The following CFAP47 variants were observed in gnomAD, a reference collection of about 807,000 sequenced individuals.
The protein encoded by CFAP47 is cilia- and flagella-associated protein 47.
A neutral mutation model predicts 148.1 loss-of-function variants in CFAP47; 29 were observed. The ratio of observed to expected loss-of-function variants is 0.20; its 90% CI spans 0.15 to 0.27. The LOEUF is 0.27. Ranked by LOEUF, CFAP47 falls within the 10% of genes least tolerant of loss-of-function variation. The pLI, the probability that CFAP47 is intolerant of heterozygous loss-of-function variation, is 1.00. For synonymous variants in CFAP47, 664 were observed against 577.3 expected (o/e 1.15, Z -2.15); for missense variants, 1,872 against 1,697.5 (o/e 1.10, Z -1.81).
At chrX:36,118,737 G>A (rs1413612325) in intron 33 of CFAP47, among the ~76,000 whole-genome samples, 1 of 111,868 alleles carries the variant, frequency 8.9e-6, no homozygotes, top group African/African-American at 3.3e-5. Context: ...GCCTCCCAAA[G>A]TGCTGGGATT....
chrX:36,099,996 A>G (rs1938347152), intron 32 of CFAP47, 117 bp downstream of exon 32: 2 of 398,583 alleles, frequency 5.0e-6, no homozygotes, highest in East Asian at 9.0e-5. Context: ...TAAATGAGAG[A>G]TTTTTTTTTA....
intron 39 of CFAP47, among the ~76,000 whole-genome samples, chrX:36,171,340 G>C (rs1383391945): frequency 1.8e-5 from 2 of 111,119 alleles, no homozygotes; most frequent in Admixed American, 1.9e-4. Context: ...TGTTGCCATT[G>C]CTTTTGGTGT....
At chrX:36,232,954 G>T (rs1353938273) in intron 46 of CFAP47, among the ~76,000 whole-genome samples, 1 of 111,970 alleles carries the variant, frequency 8.9e-6, no homozygotes, top group Non-Finnish European at 1.9e-5. Context: ...CTGAGTTCTA[G>T]TTTGATTGCA....
intron 57 of CFAP47, among the ~76,000 whole-genome samples, chrX:36,320,540 A>ACTTG (rs1941470345): frequency 1.8e-5 from 2 of 112,118 alleles, no homozygotes; most frequent in Non-Finnish European, 3.8e-5. Context: ...GAATCAAAAT[A>ACTTG]ATTGCTTAAT....
intron 49 of CFAP47, among the ~76,000 whole-genome samples, chrX:36,255,503 G>A (rs1262046048): frequency 2.7e-5 from 3 of 111,022 alleles, no homozygotes; most frequent in Non-Finnish European, 5.7e-5. Flanking sequence ...ATCAGTCATT[G>A]AAAGTGGGCT....
chrX:36,036,933 C>T (rs1489308022), intron 24 of CFAP47, among the ~76,000 whole-genome samples: 1 of 112,271 alleles, frequency 8.9e-6, no homozygotes, highest in East Asian at 2.8e-4. Context: ...AGAAACATCT[C>T]ATAGCATATT....
intron 42 of CFAP47, among the ~76,000 whole-genome samples, chrX:36,197,171 T>C (rs1375967731): frequency 8.9e-6 from 1 of 112,218 alleles, no homozygotes; most frequent in African/African-American, 3.2e-5. Flanking sequence ...ATACTGTGTG[T>C]GTAAGATGTA....
At chrX:36,076,797 C>T (rs1436514529) in intron 29 of CFAP47, among the ~76,000 whole-genome samples, 1 of 111,218 alleles carries the variant, frequency 9.0e-6, no homozygotes, top group African/African-American at 3.3e-5. Flanking sequence ...AGGACTTAGA[C>T]ATAAATTCTT....
rs61501194 is a variant in CFAP47 at position 36,103,501 on chromosome X, G to GAAAAA, written c.5128-974_5128-970dup. Among the ~76,000 whole-genome samples, 12 of 15,047 alleles carry GAAAAA rather than the reference G, an allele frequency of 8.0e-4. 1 individual carries two copies. The highest frequency in any genetic ancestry group is 2.6e-3 in the African/African-American group (11 of 4,203). 13.1% of individuals were successfully genotyped at this position (15,047 alleles called of 115,157 possible). On this transcript the variant is annotated intron_variant, in intron 32 of 63. Coordinates refer to ENST00000378653, the MANE Select transcript of CFAP47 (RefSeq NM_001304548.2). ...GAGCTGAGTGTGCTCTCATATGCCAGAAAAAAAAAAAAAAAAAAAAAAAAA... is the reference window on the plus strand; with the variant it reads ...GAGCTGAGTGTGCTCTCATATGCCAGAAAAAAAAAAAAAAAAAAAAAAAAAAAAAA...
At chrX:35,922,902 G>C (rs1396840713) in intron 1 of CFAP47, among the ~76,000 whole-genome samples, 1 of 111,289 alleles carries the variant, frequency 9.0e-6, no homozygotes, top group Non-Finnish European at 1.9e-5. Flanking sequence ...GTTTCTGCTT[G>C]TGTCTGAGAT....
At chrX:36,301,013 C>T in intron 52 of CFAP47, 59 bp from the exon 53 acceptor site, 1 of 677,333 alleles carries the variant, frequency 1.5e-6, no homozygotes, top group Non-Finnish European at 2.3e-6. Context: ...ACTACTTCTG[C>T]CCAATTTATT....
intron 37 of CFAP47, among the ~76,000 whole-genome samples, chrX:36,157,641 A>G (rs6527541): frequency 0.14 from 15,254 of 109,925 alleles, 1,043 homozygotes; most frequent in East Asian, 0.29. Flanking sequence ...AATGTTGGCC[A>G]TGTCCTACCG....
At position 36,341,059 on chromosome X, in the gene CFAP47, C is replaced by T. The variant is rs1258402183; in HGVS notation, c.8444-7070C>T. 1.7e-4 allele frequency among the ~76,000 whole-genome samples: 16 copies of T among 92,673 alleles called. No homozygotes were observed. The Admixed American group carries it at 2.0e-3, about 12-fold the overall frequency. 80.5% of individuals were successfully genotyped at this position (92,673 alleles called of 115,157 possible). ...TTTCTTTTTTTTTTTTTTTTTGAGGCAAAGTCTCGTCCTGTCACCAGGCTG... is the reference window on the plus strand; with the variant it reads ...TTTCTTTTTTTTTTTTTTTTTGAGGTAAAGTCTCGTCCTGTCACCAGGCTG... On this transcript the variant is annotated intron_variant, in intron 57 of 63. Transcript: ENST00000378653.
At chrX:36,274,525 T>C (rs1556002352) in intron 49 of CFAP47, among the ~76,000 whole-genome samples, 1 of 111,916 alleles carries the variant, frequency 8.9e-6, no homozygotes, top group African/African-American at 3.2e-5. Flanking sequence ...GCATCTATAC[T>C]TGATAGTATT....
At chrX:36,066,793 G>T (rs975605499) in intron 27 of CFAP47, among the ~76,000 whole-genome samples, 7 of 111,777 alleles carry the variant, frequency 6.3e-5, no homozygotes, top group Non-Finnish European at 1.3e-4. Context: ...AGCAAAAAGG[G>T]TAGCTTCAGG....
At chrX:36,102,944 AT>A (rs1938400608) in intron 32 of CFAP47, among the ~76,000 whole-genome samples, 1 of 111,854 alleles carries the variant, frequency 8.9e-6, no homozygotes, top group South Asian at 3.7e-4. Context: ...TCAGAAATGG[AT>A]TTTTTTAATC....
At chrX:36,123,319 T>C (rs1938779083) in intron 33 of CFAP47, among the ~76,000 whole-genome samples, 1 of 111,900 alleles carries the variant, frequency 8.9e-6, no homozygotes. Context: ...AGGTCCTGGG[T>C]CTCTACAATC....
At chrX:36,304,153 G>A (rs781977909) in intron 54 of CFAP47, among the ~76,000 whole-genome samples, 193 bp downstream of exon 54, 35 of 111,099 alleles carry the variant, frequency 3.2e-4, no homozygotes, top group Non-Finnish European at 5.5e-4. Flanking sequence ...AGGCTGAGGC[G>A]GGCAGATCAC....
chrX:36,036,711 G>C (rs1049470247), intron 24 of CFAP47, among the ~76,000 whole-genome samples: 1 of 111,631 alleles, frequency 9.0e-6, no homozygotes, highest in Non-Finnish European at 1.9e-5. Flanking sequence ...TACACATGTG[G>C]TAATCTAGAT....
Sources: allele counts gnomAD v4.1 joint callset (sites outside exome capture counted in the v4.1 genomes callset), GRCh38; gene constraint gnomAD v4.1.1; transcripts MANE v1.5; gene names NCBI Gene and HGNC (gene_info 2026-07-23, HGNC 2026-07-21).